The following TIMP4 variants were observed in gnomAD, a reference collection of about 807,000 sequenced individuals.
TIMP4 encodes metalloproteinase inhibitor 4.
TIMP4 carries 28 observed loss-of-function variants against 27.3 expected under a neutral mutation model. That is an observed-to-expected ratio of 1.03 (90% CI 0.76 to 1.41). TIMP4 has a LOEUF of 1.41. Among genes scored for constraint, TIMP4 ranks in the 40% most tolerant of loss-of-function variants. The pLI, the probability that TIMP4 is intolerant of heterozygous loss-of-function variation, is 0.00. For missense variants in TIMP4, 307 were observed against 285.5 expected, an observed-to-expected ratio of 1.08 and a Z score of -0.54; for synonymous variants, 138 against 115.5, an observed-to-expected ratio of 1.20 and a Z score of -1.25.
rs541277708 is a variant in TIMP4, at chr3:12,156,837, T to C, written c.335A>G (p.Lys112Arg). The C allele has an allele frequency of 6.2e-5, 100 of 1,614,170 alleles. No individual in the cohort carries two copies. The South Asian group carries it at 1.0e-3, about 17-fold the overall frequency. ...CGVKLEANSQ[K>R]QYLLTGQVLS... ...TAACTTACCAGTCAAGAGATACTGCTTCTGGCTGTTGGCTTCTAGTTTCAC... is the reference window on the plus strand; with the variant it reads ...TAACTTACCAGTCAAGAGATACTGCCTCTGGCTGTTGGCTTCTAGTTTCAC... Residue 112 changes from lysine to arginine, a missense_variant, in exon 3 of 5, where the codon AAG becomes AGG. Lys to Arg is a conservative substitution (Grantham distance 26). Transcript: ENST00000287814.
At chr3:12,157,703 G>C (rs1005197066) in intron 1 of TIMP4, among the ~76,000 whole-genome samples, 1 of 152,128 alleles carries the variant, frequency 6.6e-6, no homozygotes, top group Admixed American at 6.6e-5. Flanking sequence ...TCCTATAACC[G>C]CTAAGCTGTT....
intron 4 of TIMP4, 61 bp from the exon 5 acceptor site, chr3:12,153,773 C>T: frequency 6.4e-7 from 1 of 1,574,486 alleles, no homozygotes; most frequent in Non-Finnish European, 8.7e-7. Flanking sequence ...CCATTGCTGC[C>T]TTTCAGATTC....
chr3:12,156,034 CT>C (rs1387193689), intron 3 of TIMP4, among the ~76,000 whole-genome samples: 1 of 152,210 alleles, frequency 6.6e-6, no homozygotes, highest in African/African-American at 2.4e-5. Context: ...ACAGTGAACT[CT>C]TTTAAGGACT....
At chr3:12,158,143 G>A (rs1220104634) in intron 1 of TIMP4, among the ~76,000 whole-genome samples, 1 of 152,208 alleles carries the variant, frequency 6.6e-6, no homozygotes, top group Non-Finnish European at 1.5e-5. Flanking sequence ...GAGATGCTGA[G>A]GCGGCACCAA....
Position 12,156,937 on chromosome 3 carries a change from GA to G in TIMP4, c.238-4del. ...ACTTTCTCAAACCCTTTGAACATCT[GA>G]CAGGCAATTACAAAAAAAGGCAATA... On this transcript the variant is annotated splice_region_variant and splice_polypyrimidine_tract_variant and intron_variant, in intron 2 of 4. Coordinates refer to ENST00000287814, the MANE Select transcript of TIMP4 (RefSeq NM_003256.4). 6.2e-7 allele frequency: 1 copy of G among 1,609,834 alleles called. No homozygotes were observed. Among genetic ancestry groups the G allele is most frequent in the Non-Finnish European group, 8.5e-7 (1 of 1,176,276 alleles).
Position 12,153,086 on chromosome 3 carries a change from C to T in TIMP4, c.*429G>A, listed in dbSNP as rs1489487991. On this transcript the variant is annotated 3_prime_UTR_variant, in exon 5 of 5. Coordinates refer to ENST00000287814, the MANE Select transcript of TIMP4 (RefSeq NM_003256.4). Reference sequence around the variant, plus strand: ...CAGTATGTTCTTGTTTTCATTCCTGCCAGTCAGCCTGTTTATGATGCTGTC... The same window carrying T: ...CAGTATGTTCTTGTTTTCATTCCTGTCAGTCAGCCTGTTTATGATGCTGTC... 2 of 235,892 alleles carry T rather than the reference C, an allele frequency of 8.5e-6. No homozygotes were observed. Among genetic ancestry groups the T allele is most frequent in the Non-Finnish European group, 1.7e-5 (2 of 116,258 alleles). The allele number at this position is 235,892 out of a possible 1,614,324, so 14.6% of individuals were successfully genotyped here. A position where few individuals can be genotyped will look rare whatever the true frequency, so the allele number is the denominator to read the frequency against.
Position 12,154,401 on chromosome 3 carries a change from C to T in TIMP4, c.403G>A (p.Glu135Lys), listed in dbSNP as rs748777885. ...ACCAAGGACAGGTCCTCCCAGGGCT[C>T]GATGTAGTTGCACAGATGGATGAAG... ...KVFIHLCNYIEPWEDLSLVQR... is the reference protein window; with the variant it reads ...KVFIHLCNYIKPWEDLSLVQR... Residue 135 changes from glutamate to lysine, a missense_variant, in exon 4 of 5, where the codon GAG becomes AAG. By Grantham distance (56) the Glu-to-Lys change is moderately conservative. Transcript: ENST00000287814. 2.3e-5 allele frequency: 37 copies of T among 1,614,144 alleles called. No homozygotes were observed. In the East Asian group the frequency reaches 2.9e-4, roughly 13 times the overall value.
chr3:12,157,522 T>A (rs754541773), intron 1 of TIMP4, 40 bp from the exon 2 acceptor site: 1 of 1,591,782 alleles, frequency 6.3e-7, no homozygotes, highest in Non-Finnish European at 8.6e-7. Flanking sequence ...CAGCAGCTGG[T>A]GGGGGCAATA....
chr3:12,157,260 C>G, intron 2 of TIMP4, 125 bp downstream of exon 2: 1 of 850,584 alleles, frequency 1.2e-6, no homozygotes, highest in Non-Finnish European at 1.9e-6. Context: ...TCCAGTTCCA[C>G]TTCAGTATCT....
intron 3 of TIMP4, among the ~76,000 whole-genome samples, chr3:12,154,868 A>T (rs1170139996): frequency 1.3e-5 from 1 of 76,380 alleles, no homozygotes; most frequent in Non-Finnish European, 3.4e-5. Flanking sequence ...TTCCCAGCAC[A>T]GTTGTGGTCC....
chr3:12,153,539 C>G lies in TIMP4; in HGVS notation c.651G>C (p.Glu217Asp), dbSNP rs1429891600. ...WYRGHLPLRK[E>D]FVDIVQP Reference sequence around the variant, plus strand: ...ACTAGGGCTGAACGATGTCAACAAACTCCTTCCTGAGAGGCAGGTGGCCCC... The same window carrying G: ...ACTAGGGCTGAACGATGTCAACAAAGTCCTTCCTGAGAGGCAGGTGGCCCC... Residue 217 changes from glutamate (E) to aspartate (D), a missense_variant, in exon 5 of 5, where the codon GAG becomes GAC. Glu to Asp is a conservative substitution (Grantham distance 45, BLOSUM62 2). Transcript: ENST00000287814. 1.2e-6 allele frequency: 2 copies of G among 1,613,784 alleles called. No individual in the cohort carries two copies. Among genetic ancestry groups the G allele is most frequent in the African/African-American group, 1.3e-5 (1 of 74,914 alleles).
chr3:12,158,686 C>T lies in TIMP4; in HGVS notation c.139+16G>A, dbSNP rs374508996. On this transcript the variant is annotated intron_variant, in intron 1 of 4. Coordinates refer to ENST00000287814, the MANE Select transcript of TIMP4 (RefSeq NM_003256.4). ...CAACCACCCCCTGCTGTGGACCTCG[C>T]GGACCTCGGACTCACCAAGTGCCGA... is the stretch of plus-strand genomic sequence containing the variant. 125 of 1,608,978 alleles carry T rather than the reference C, an allele frequency of 7.8e-5. No individual in the cohort carries two copies. In the African/African-American group the frequency reaches 1.1e-3, roughly 14 times the overall value.
At chr3:12,157,254 G>A in intron 2 of TIMP4, 131 bp downstream of exon 2, 1 of 817,932 alleles carries the variant, frequency 1.2e-6, no homozygotes, top group Non-Finnish European at 2.0e-6. Context: ...ATCTCATCCA[G>A]TTCCACTTCA....
chr3:12,157,446 G>A lies in TIMP4; in HGVS notation c.176C>T (p.Pro59Leu), dbSNP rs77838721. Reference sequence around the variant, plus strand: ...AGTGTCAGCAGGGTCTGCACTGGCCGGAACTACCTTCTCACTGGAGATTTT... The same window carrying A: ...AGTGTCAGCAGGGTCTGCACTGGCCAGAACTACCTTCTCACTGGAGATTTT... ...RAKISSEKVV[P>L]ASADPADTEK... Residue 59 changes from proline (P) to leucine (L), a missense_variant, in exon 2 of 5, where the codon CCG (proline) becomes CTG (leucine). Physicochemically the swap from Pro to Leu is moderately conservative, Grantham distance 98. Coordinates refer to ENST00000287814, the MANE Select transcript of TIMP4 (RefSeq NM_003256.4). 4.6e-5 allele frequency: 74 copies of A among 1,614,140 alleles called. No homozygotes were observed. In the East Asian group the frequency reaches 8.2e-4, roughly 18 times the overall value.
Position 12,154,600 on chromosome 3 carries a change from A to C in TIMP4, c.353-149T>G, listed in dbSNP as rs1697402055. The C allele has an allele frequency of 1.7e-5, 13 of 758,482 alleles. No individual in the cohort carries two copies. In the South Asian group the frequency reaches 2.5e-4, roughly 14 times the overall value. The allele number at this position is 758,482 out of a possible 1,614,324, so 47.0% of individuals were successfully genotyped here. ...GGGCTCAGTGAAGGGACCAATAAAT[A>C]AAACTACTATAATCTTTCTAGCAAA... On this transcript the variant is annotated intron_variant, in intron 3 of 4. Transcript: ENST00000287814.
chr3:12,155,214 A>G (rs1408154563), intron 3 of TIMP4, among the ~76,000 whole-genome samples: 1 of 152,230 alleles, frequency 6.6e-6, no homozygotes, highest in Non-Finnish European at 1.5e-5. Context: ...CCAGGAATAC[A>G]GATATAAAAA....
At chr3:12,156,739 G>A (rs1003282203) in intron 3 of TIMP4, 81 bp downstream of exon 3, 1 of 1,145,272 alleles carries the variant, frequency 8.7e-7, no homozygotes, top group East Asian at 2.4e-5. Flanking sequence ...ACTGCCCAAG[G>A]AAGACCCTGG....
At chr3:12,157,343 A>G (rs772593444) in intron 2 of TIMP4, 42 bp downstream of exon 2, 12 of 1,590,624 alleles carry the variant, frequency 7.5e-6, no homozygotes, top group Admixed American at 6.7e-5. Context: ...CACTTTCTCC[A>G]TCAGCCTTAG....
rs1697399365 is a variant in TIMP4 at position 12,154,505 on chromosome 3, C to T, written c.353-54G>A. On this transcript the variant is annotated intron_variant, in intron 3 of 4. Transcript: ENST00000287814. Reference sequence around the variant, plus strand: ...CATCAGGATTCTTCTCCTGGAGCCCCAGGGGCCCAGGTCCTTGAAAAGCCC... The same window carrying T: ...CATCAGGATTCTTCTCCTGGAGCCCTAGGGGCCCAGGTCCTTGAAAAGCCC... The T allele has an allele frequency of 8.1e-6, 13 of 1,600,786 alleles. No homozygotes were observed. In the East Asian group the frequency reaches 1.8e-4, roughly 22 times the overall value.
Sources: gnomAD v4.1 joint callset for allele counts (sites outside exome capture counted in the v4.1 genomes callset) on GRCh38, gnomAD v4.1.1 for gene constraint, MANE v1.5 for transcripts, NCBI Gene and HGNC (gene_info 2026-07-23, HGNC 2026-07-21) for gene names.